The following MARK3 variants were observed in gnomAD, a reference collection of about 807,000 sequenced individuals.
The protein encoded by MARK3 is microtubule affinity regulating kinase 3.
In MARK3, 46 loss-of-function variants were observed where a neutral mutation model predicts 90.1. The observed-to-expected ratio is 0.51, with a 90% CI of 0.40 to 0.65. The LOEUF is 0.65. Among genes scored for constraint, MARK3 ranks in the 30% least tolerant of loss-of-function variants. The pLI is 0.00. For missense variants in MARK3, 818 were observed against 947.2 expected, an observed-to-expected ratio of 0.86 and a Z score of 1.79; for synonymous variants, 321 against 332.6, an observed-to-expected ratio of 0.97 and a Z score of 0.38.
At chr14:103,481,164 A>G (rs572682912) in intron 14 of MARK3, among the ~76,000 whole-genome samples, 27 of 152,364 alleles carry the variant, frequency 1.8e-4, no homozygotes, top group Admixed American at 3.3e-4. Flanking sequence ...GGATAGGTGT[A>G]GAGACTCTGA....
At chr14:103,442,700 A>G (rs1429743891) in intron 3 of MARK3, among the ~76,000 whole-genome samples, 2 of 152,250 alleles carry the variant, frequency 1.3e-5, no homozygotes, top group East Asian at 3.8e-4. Flanking sequence ...AATTAATGAT[A>G]ATAAGCTGTG....
chr14:103,410,675 C>CG (rs1349897289), intron 2 of MARK3, among the ~76,000 whole-genome samples: 7 of 151,954 alleles, frequency 4.6e-5, no homozygotes, highest in African/African-American at 1.7e-4. Flanking sequence ...GTACTCCAGC[C>CG]GGGGCAACAG....
chr14:103,470,983 C>T (rs2093616693), intron 12 of MARK3, among the ~76,000 whole-genome samples: 6 of 152,162 alleles, frequency 3.9e-5, no homozygotes, highest in Admixed American at 3.3e-4. Flanking sequence ...ATCTACAGTG[C>T]CTGCTATTCT....
chr14:103,412,204 C>T, intron 2 of MARK3: 1 of 1,074,330 alleles, frequency 9.3e-7, no homozygotes, highest in Admixed American at 1.9e-5. Flanking sequence ...GCAGTGACAC[C>T]AAGAAGTTAA....
In MARK3 at chr14:103,503,166, C is replaced by T. The variant is rs201508144; in HGVS notation, c.2201C>T (p.Ser734Leu). 1.4e-3 allele frequency: 2,335 copies of T among 1,614,192 alleles called. 5 individuals carry two copies. Among genetic ancestry groups the T allele is most frequent in the Non-Finnish European group, 1.6e-3 (1,915 of 1,180,034 alleles). Residue 734 changes from serine to leucine, a missense_variant, in exon 18 of 18, where the codon TCG becomes TTG. By Grantham distance (145) the Ser-to-Leu change is moderately radical. Around this residue, in one of 3 missense-constraint regions of MARK3, gnomAD observed 560 missense variants for 613.5 expected, o/e 0.91. Transcript: ENST00000429436. ...SLNGVRFKRI[S>L]GTSIAFKNIA... Reference sequence around the variant, plus strand: ...AACGGGGTCCGGTTTAAGCGGATATCGGGGACATCCATAGCCTTCAAAAAT... The same window carrying T: ...AACGGGGTCCGGTTTAAGCGGATATTGGGGACATCCATAGCCTTCAAAAAT...
intron 16 of MARK3, chr14:103,499,451 G>C (rs2075533854): frequency 2.6e-5 from 4 of 152,072 alleles, no homozygotes; most frequent in Admixed American, 6.6e-5. Context: ...GTGAGACCCT[G>C]CCTCAAAAAA....
At chr14:103,490,526 AAAAT>A (rs1157201081) in intron 14 of MARK3, 2 of 152,234 alleles carry the variant, frequency 1.3e-5, no homozygotes, top group African/African-American at 2.4e-5. Context: ...CTCTACAAAA[AAAAT>A]AAATAAAGAA....
chr14:103,444,436 C>T (rs1156758331), intron 3 of MARK3, among the ~76,000 whole-genome samples: 1 of 152,122 alleles, frequency 6.6e-6, no homozygotes, highest in African/African-American at 2.4e-5. Flanking sequence ...TTCCAACTAA[C>T]ATCTATTTAA....
In MARK3 at chr14:103,470,519, G is replaced by A. The variant is rs567409313; in HGVS notation, c.1264+2333G>A. Reference sequence around the variant, plus strand: ...CACCCAGGCTGGAGTGCAATAGCGCGATCTCGGCTCACTGCAACCTCCGCC... The same window carrying A: ...CACCCAGGCTGGAGTGCAATAGCGCAATCTCGGCTCACTGCAACCTCCGCC... On this transcript the variant is annotated intron_variant, in intron 12 of 17. Transcript: ENST00000429436. Among the ~76,000 whole-genome samples the A allele has an allele frequency of 1.1e-3, 137 of 127,688 alleles. 1 individual carries two copies. The highest frequency in any genetic ancestry group is 2.8e-3 in the Admixed American group (29 of 10,480). The allele number at this position is 127,688 out of a possible 152,430, so 83.8% of individuals were successfully genotyped here.
At chr14:103,387,264 C>T (rs2089880951) in intron 1 of MARK3, among the ~76,000 whole-genome samples, 1 of 152,088 alleles carries the variant, frequency 6.6e-6, no homozygotes, top group Non-Finnish European at 1.5e-5. Flanking sequence ...TAATTTAATC[C>T]GTAAACGTAA....
In MARK3 at chr14:103,385,522, G is replaced by A. The variant is rs2089720065; in HGVS notation, c.-508G>A. On this transcript the variant is annotated 5_prime_UTR_variant, in exon 1 of 18. Transcript: ENST00000429436. ...AGAGAGGGAGAAGCAGTCGGGCGCA[G>A]GCGCCTCCTCCGCAGCCCGCTCCAT... 6.5e-6 allele frequency: 1 copy of A among 153,926 alleles called. No homozygotes were observed. The highest frequency in any genetic ancestry group is 2.4e-5 in the African/African-American group (1 of 41,386). 9.5% of individuals were successfully genotyped at this position (153,926 alleles called of 1,614,324 possible).
At chr14:103,407,555 T>TA (rs1491399688) in intron 2 of MARK3, among the ~76,000 whole-genome samples, 43 of 26,674 alleles carry the variant, frequency 1.6e-3, no homozygotes, top group Non-Finnish European at 2.9e-3. Context: ...GTTTTGCCTC[T>TA]TTTTTTTTTT....
intron 1 of MARK3, among the ~76,000 whole-genome samples, chr14:103,403,285 CT>C (rs903011548): frequency 6.0e-5 from 9 of 150,688 alleles, no homozygotes; most frequent in Non-Finnish European, 1.3e-4. Context: ...ATATGGACTG[CT>C]TTATGCGCTG....
At chr14:103,426,269 C>CT (rs61014395) in intron 2 of MARK3, among the ~76,000 whole-genome samples, 28 of 143,952 alleles carry the variant, frequency 1.9e-4, no homozygotes, top group African/African-American at 7.0e-4. Flanking sequence ...TTGTTAAATA[C>CT]TTTTTTTTTT....
chr14:103,416,012 T>C (rs1231162640), intron 2 of MARK3, among the ~76,000 whole-genome samples: 1 of 152,256 alleles, frequency 6.6e-6, no homozygotes, highest in East Asian at 1.9e-4. Context: ...GCTTATTTAC[T>C]TAAATTACGA....
At position 103,491,806 on chromosome 14, in the gene MARK3, C is replaced by G; in HGVS notation, c.1616C>G (p.Ala539Gly). 6.2e-7 allele frequency: 1 copy of G among 1,614,126 alleles called. No homozygotes were observed. The change falls in exon 15 of 18, where the codon GCT (alanine) becomes GGT (glycine). Residue 539 changes from alanine to glycine, a missense_variant. Around this residue, in one of 3 missense-constraint regions of MARK3, gnomAD observed 560 missense variants for 613.5 expected, o/e 0.91. Coordinates refer to ENST00000429436, the MANE Select transcript of MARK3 (RefSeq NM_001128918.3). ...STIPDQRTPVASTHSISSAAT... is the reference protein window; with the variant it reads ...STIPDQRTPVGSTHSISSAAT... ...ATTCCTGATCAGAGAACTCCAGTTGCTTCAACACACAGTATCAGTAGTGCA... is the reference window on the plus strand; with the variant it reads ...ATTCCTGATCAGAGAACTCCAGTTGGTTCAACACACAGTATCAGTAGTGCA...
At chr14:103,460,564 G>A (rs1178343016) in intron 6 of MARK3, among the ~76,000 whole-genome samples, 1 of 152,156 alleles carries the variant, frequency 6.6e-6, no homozygotes, top group African/African-American at 2.4e-5. Context: ...AGTTCAAGTT[G>A]AGTCTTTTCA....
chr14:103,458,158 AG>A (rs2093316217), intron 6 of MARK3, among the ~76,000 whole-genome samples: 1 of 152,188 alleles, frequency 6.6e-6, no homozygotes, highest in Non-Finnish European at 1.5e-5. Context: ...CTCTTGTTGT[AG>A]CTTAGAAGCA....
intron 2 of MARK3, among the ~76,000 whole-genome samples, chr14:103,408,278 C>T (rs1031766478): frequency 6.6e-6 from 1 of 152,142 alleles, no homozygotes; most frequent in Non-Finnish European, 1.5e-5. Flanking sequence ...CCTCCCGCCT[C>T]CTGGGTTCAA....
Sources: allele counts gnomAD v4.1 joint callset (sites outside exome capture counted in the v4.1 genomes callset), GRCh38; gene constraint gnomAD v4.1.1; regional missense constraint gnomAD v4.1.1; transcripts MANE v1.5; gene names NCBI Gene and HGNC (gene_info 2026-07-23, HGNC 2026-07-21).